The following GET3 variants were observed in gnomAD, a reference collection of about 807,000 sequenced individuals.
GET3 encodes ATPase GET3.
GET3 carries 15 observed loss-of-function variants against 32.4 expected under a neutral mutation model. The observed-to-expected ratio is 0.46, with a 90% CI of 0.31 to 0.71. The LOEUF (loss-of-function observed/expected upper bound fraction) is 0.71, where lower values mean the gene tolerates loss of function less well. Among genes scored for constraint, GET3 ranks in the 30% least tolerant of loss-of-function variants. The pLI is 0.05. For missense variants in GET3, 333 were observed against 459.0 expected (o/e 0.73, Z 2.51); for synonymous variants, 198 against 185.6 (o/e 1.07, Z -0.54).
At position 12,747,022 on chromosome 19, in the gene GET3, A is replaced by AAAAG. The variant is rs1478269330; in HGVS notation, c.610-163_610-160dup. ...GAGACTCCATTTCAAAAAAAAAAAA[A>AAAAG]AAAGAAAGAAAGAAATGGAAAAGCT... On this transcript the variant is annotated intron_variant, in intron 4 of 6. Transcript: ENST00000357332. This position sits in a 1 kb window ranked among gnomAD's most constrained non-coding sequence, Gnocchi z 4.0. 1.3e-5 allele frequency among the ~76,000 whole-genome samples: 2 copies of AAAAG among 151,184 alleles called. No individual in the cohort carries two copies. The highest frequency in any genetic ancestry group is 1.5e-5 in the Non-Finnish European group (1 of 67,786).
Position 12,739,602 on chromosome 19 carries a change from TAAAG to T in GET3, c.309+947_309+950del, listed in dbSNP as rs1293001943. On this transcript the variant is annotated intron_variant, in intron 2 of 6. Transcript: ENST00000357332. ...AAGGAGTAGGTTTAGAATGAACAAA[TAAAG>T]AATTTCATTTTGTCCACAGTGAATC... 4.6e-5 allele frequency among the ~76,000 whole-genome samples: 7 copies of T among 152,308 alleles called. No individual in the cohort carries two copies. The East Asian group carries it at 1.3e-3, about 29-fold the overall frequency.
At chr19:12,740,062 G>C (rs1472944830) in intron 2 of GET3, among the ~76,000 whole-genome samples, 2 of 151,480 alleles carry the variant, frequency 1.3e-5, no homozygotes, top group Non-Finnish European at 2.9e-5. Flanking sequence ...ATTTTTAGTA[G>C]AGACGAGGTT....
intron 2 of GET3, 121 bp downstream of exon 2, chr19:12,738,779 C>T (rs963821138): frequency 2.3e-6 from 3 of 1,307,552 alleles, no homozygotes; most frequent in Non-Finnish European, 3.2e-6. Context: ...TCGTGTTTCA[C>T]TCCTTCCTCA....
At chr19:12,746,791 C>T (rs564980309) in intron 4 of GET3, among the ~76,000 whole-genome samples, 4 of 152,138 alleles carry the variant, frequency 2.6e-5, no homozygotes, top group African/African-American at 9.6e-5. Flanking sequence ...AGGTGGATTG[C>T]CTGAGGTCAG....
At position 12,748,002 on chromosome 19, in the gene GET3, C is replaced by T. The variant is rs138503380; in HGVS notation, c.945C>T (p.Ile315=). ...QMEDLYEDFH[I]VKLPLLPHEV... The stretch of plus-strand genomic sequence containing the variant: ...AGGACCTGTATGAAGACTTCCACAT[C>T]GTGAAGCTGCCGCTGTTACCCCATG... The change falls in exon 7 of 7, where the codon ATC becomes ATT. Residue 315 remains isoleucine, a synonymous_variant. Coordinates refer to ENST00000357332, the MANE Select transcript of GET3 (RefSeq NM_004317.4). 66 of 1,610,494 alleles carry T rather than the reference C, an allele frequency of 4.1e-5. No homozygotes were observed. Among genetic ancestry groups the T allele is most frequent in the African/African-American group, 2.9e-4 (22 of 74,994 alleles).
Position 12,737,534 on chromosome 19 carries a change from T to C in GET3, c.29T>C (p.Val10Ala), listed in dbSNP as rs773919937. The change falls in exon 1 of 7, where the codon GTT becomes GCT. Residue 10 changes from valine to alanine, a missense_variant. Physicochemically the swap from Val to Ala is moderately conservative, Grantham distance 64 (BLOSUM62 0). Coordinates refer to ENST00000357332, the MANE Select transcript of GET3 (RefSeq NM_004317.4). The part of the protein sequence containing the change: MAAGVAGWG[V>A]EAEEFEDAPD... The stretch of plus-strand genomic sequence containing the variant: ...GCGGCAGGGGTGGCCGGGTGGGGGG[T>C]TGAGGCAGAGGAGTTCGAAGATGCT... The C allele has an allele frequency of 6.4e-7, 1 of 1,571,380 alleles. No homozygotes were observed.
intron 1 of GET3, 146 bp from the exon 2 acceptor site, chr19:12,738,365 C>T (rs1031217894): frequency 1.0e-6 from 1 of 972,908 alleles, no homozygotes; most frequent in Non-Finnish European, 1.5e-6. Context: ...GGGACTGAGG[C>T]TCAATCCCAC....
intron 2 of GET3, 95 bp downstream of exon 2, chr19:12,738,753 C>T (rs8177470): frequency 1.4e-6 from 2 of 1,475,500 alleles, no homozygotes; most frequent in Non-Finnish European, 1.9e-6. Flanking sequence ...CCTATCCACT[C>T]TATATCCTGT....
intron 2 of GET3, among the ~76,000 whole-genome samples, chr19:12,741,120 A>C (rs1375440199): frequency 1.3e-5 from 2 of 151,226 alleles, no homozygotes; most frequent in Non-Finnish European, 3.0e-5. Context: ...TCAGGAGTTA[A>C]AGACCAGCCT....
upstream of GET3, chr19:12,737,429 T>A: frequency 7.3e-7 from 1 of 1,375,610 alleles, no homozygotes; most frequent in Non-Finnish European, 9.4e-7. Context: ...CTAGCTTCGC[T>A]AGGAATGTGA....
rs1278731710 is a variant in GET3 at position 12,748,118 on chromosome 19, C to A, written c.*14C>A. On this transcript the variant is annotated 3_prime_UTR_variant, in exon 7 of 7. Coordinates refer to ENST00000357332, the MANE Select transcript of GET3 (RefSeq NM_004317.4). Reference sequence around the variant, plus strand: ...AGTGCCCAGTAGCACAGCTGCCAGCCCCAACCGCTGCCATTTCACACTCAC... The same window carrying A: ...AGTGCCCAGTAGCACAGCTGCCAGCACCAACCGCTGCCATTTCACACTCAC... 2 of 1,568,432 alleles carry A rather than the reference C, an allele frequency of 1.3e-6. No homozygotes were observed. Among genetic ancestry groups the A allele is most frequent in the East Asian group, 2.3e-5 (1 of 43,916 alleles).
At chr19:12,742,524 C>G (rs1238013044) in intron 2 of GET3, among the ~76,000 whole-genome samples, 2 of 152,102 alleles carry the variant, frequency 1.3e-5, no homozygotes, top group Non-Finnish European at 2.9e-5. Flanking sequence ...AAGTGATTCT[C>G]CTGCCTCAGC....
chr19:12,748,168 G>A lies in GET3; in HGVS notation c.*64G>A, dbSNP rs1950301082. The A allele has an allele frequency of 2.7e-6, 4 of 1,471,672 alleles. No homozygotes were observed. The Admixed American group carries it at 6.4e-5, about 23-fold the overall frequency. The allele number at this position is 1,471,672 out of a possible 1,614,324, so 91.2% of individuals were successfully genotyped here. On this transcript the variant is annotated 3_prime_UTR_variant, in exon 7 of 7. Coordinates refer to ENST00000357332, the MANE Select transcript of GET3 (RefSeq NM_004317.4). Reference sequence around the variant, plus strand: ...CCCTCCACCCTCCCCACCCCCTCGGGGCAGAGTTTGCACAAAGTCCCCCCC... The same window carrying A: ...CCCTCCACCCTCCCCACCCCCTCGGAGCAGAGTTTGCACAAAGTCCCCCCC...
Position 12,737,655 on chromosome 19 carries a change from G to A in GET3, c.150G>A (p.Lys50=). 6.2e-7 allele frequency: 1 copy of A among 1,609,756 alleles called. No individual in the cohort carries two copies. Among genetic ancestry groups the A allele is most frequent in the East Asian group, 2.2e-5 (1 of 44,464 alleles). The part of the protein sequence containing the change: ...IFVGGKGGVG[K]TTCSCSLAVQ... Reference sequence around the variant, plus strand: ...TCGGGGGCAAGGGTGGTGTGGGCAAGACCACCTGCAGGTAAGGAGGCTGCG... The same window carrying A: ...TCGGGGGCAAGGGTGGTGTGGGCAAAACCACCTGCAGGTAAGGAGGCTGCG... Residue 50 remains lysine (K), a synonymous_variant, in exon 1 of 7, where the codon AAG becomes AAA. Transcript: ENST00000357332.
chr19:12,744,344 G>C (rs1967729893), intron 2 of GET3, among the ~76,000 whole-genome samples: 1 of 151,900 alleles, frequency 6.6e-6, no homozygotes, highest in African/African-American at 2.4e-5. Flanking sequence ...TTTTGAGACA[G>C]AGTCTCCCTC....
intron 2 of GET3, among the ~76,000 whole-genome samples, chr19:12,744,026 C>T (rs1405671010): frequency 7.2e-5 from 10 of 138,348 alleles, no homozygotes; most frequent in African/African-American, 1.9e-4. Context: ...CCACCACGCC[C>T]GGCCAAGACT....
chr19:12,747,742 G>T lies in GET3; in HGVS notation c.915+150G>T. 8.3e-7 allele frequency: 1 copy of T among 1,208,210 alleles called. No individual in the cohort carries two copies. Among genetic ancestry groups the T allele is most frequent in the South Asian group, 1.4e-5 (1 of 69,138 alleles). 74.8% of individuals were successfully genotyped at this position (1,208,210 alleles called of 1,614,324 possible). On this transcript the variant is annotated intron_variant, in intron 6 of 6. Transcript: ENST00000357332. This position sits in a 1 kb window ranked among gnomAD's most constrained non-coding sequence, Gnocchi z 4.0. ...CCTTCACCCTTATTCCGGCCATAGA[G>T]GACTGTGGCTGGCCTGGCCTAGGTC...
Position 12,747,067 on chromosome 19 carries a change from G to A in GET3, c.610-130G>A. On this transcript the variant is annotated intron_variant, in intron 4 of 6. Transcript: ENST00000357332. The surrounding 1 kb of genome is among the most constrained non-coding windows in gnomAD (Gnocchi z 4.0). ...AAAGCTAGTATTTGACCAACCCCAGGAATCTGCTTATGGGCCTGAGCCTTT... is the reference window on the plus strand; with the variant it reads ...AAAGCTAGTATTTGACCAACCCCAGAAATCTGCTTATGGGCCTGAGCCTTT... 3.3e-6 allele frequency: 2 copies of A among 603,952 alleles called. No individual in the cohort carries two copies. The highest frequency in any genetic ancestry group is 3.0e-5 in the East Asian group (1 of 33,474). The allele number at this position is 603,952 out of a possible 1,614,324, so 37.4% of individuals were successfully genotyped here.
rs924517012 is a variant in GET3 at position 12,745,289 on chromosome 19, G to A, written c.310-88G>A. On this transcript the variant is annotated intron_variant, in intron 2 of 6. Transcript: ENST00000357332. This position sits in a 1 kb window ranked among gnomAD's most constrained non-coding sequence, Gnocchi z 5.0. Reference sequence around the variant, plus strand: ...AGGCTCCCTCTGGCCCTGTGCCCGGGTAGGAAGGCTCCCCCTGGCCCTGTG... The same window carrying A: ...AGGCTCCCTCTGGCCCTGTGCCCGGATAGGAAGGCTCCCCCTGGCCCTGTG... 47 of 1,515,682 alleles carry A rather than the reference G, an allele frequency of 3.1e-5. No individual in the cohort carries two copies. In the Middle Eastern group the frequency reaches 5.7e-4, roughly 18 times the overall value. 93.9% of individuals were successfully genotyped at this position (1,515,682 alleles called of 1,614,324 possible). A position where few individuals can be genotyped will look rare whatever the true frequency, so the allele number is the denominator to read the frequency against.
Sources: allele counts gnomAD v4.1 joint callset (sites outside exome capture counted in the v4.1 genomes callset), GRCh38; gene constraint gnomAD v4.1.1; non-coding constraint Gnocchi (gnomAD v3.1); transcripts MANE v1.5; gene names NCBI Gene and HGNC (gene_info 2026-07-23, HGNC 2026-07-21).